ADD2: variants seen among roughly 807,000 people sequenced by gnomAD.
ADD2 encodes the protein beta-adducin.
ADD2 carries 23 observed loss-of-function variants against 83.0 expected under a neutral mutation model. The ratio of observed to expected loss-of-function variants is 0.28; its 90% CI spans 0.20 to 0.39. The LOEUF is 0.39. Among genes scored for constraint, ADD2 ranks in the 10% least tolerant of loss-of-function variants. The pLI, the probability that ADD2 is intolerant of heterozygous loss-of-function variation, is 1.00. For missense variants in ADD2, 758 were observed against 944.9 expected, an observed-to-expected ratio of 0.80 and a Z score of 2.59; for synonymous variants, 375 against 375.4, an observed-to-expected ratio of 1.00 and a Z score of 0.01.
Position 70,676,516 on chromosome 2 carries a change from C to G in ADD2, c.1593+280G>C. ...TAGTAAGGGAGGACAGAGTGGAGTT[C>G]CATGGCAGGAGGTACGGAAGCCGGC... On this transcript the variant is annotated intron_variant, in intron 13 of 15. Transcript: ENST00000264436. This position sits in a 1 kb window ranked among gnomAD's most constrained non-coding sequence, Gnocchi z 4.8. 7.3e-7 allele frequency: 1 copy of G among 1,378,790 alleles called. No individual in the cohort carries two copies. The highest frequency in any genetic ancestry group is 9.4e-7 in the Non-Finnish European group (1 of 1,062,656). 85.4% of individuals were successfully genotyped at this position (1,378,790 alleles called of 1,614,324 possible).
In ADD2 at chr2:70,692,385, GAGA is replaced by G; in HGVS notation, c.705+15_705+17del. On this transcript the variant is annotated intron_variant, in intron 7 of 15. Coordinates refer to ENST00000264436, the MANE Select transcript of ADD2 (RefSeq NM_001617.4). ...GCCTTACGTCTTTCCTTGGGTGGCTGAGAAGGAGTCCACTCACCGCTGCTGTGG... is the reference window on the plus strand; with the variant it reads ...GCCTTACGTCTTTCCTTGGGTGGCTGAGGAGTCCACTCACCGCTGCTGTGG... The G allele has an allele frequency of 6.6e-7, 1 of 1,521,976 alleles. No individual in the cohort carries two copies. The highest frequency in any genetic ancestry group is 8.8e-7 in the Non-Finnish European group (1 of 1,132,016). 94.3% of individuals were successfully genotyped at this position (1,521,976 alleles called of 1,614,324 possible).
intron 15 of ADD2, among the ~76,000 whole-genome samples, chr2:70,672,026 T>G (rs1345427194): frequency 6.6e-6 from 1 of 152,356 alleles, no homozygotes; most frequent in East Asian, 1.9e-4. Flanking sequence ...TTATGTATAC[T>G]ATTAACCATA....
intron 1 of ADD2, among the ~76,000 whole-genome samples, chr2:70,757,499 G>A (rs1674857502): frequency 6.6e-6 from 1 of 152,142 alleles, no homozygotes; most frequent in Non-Finnish European, 1.5e-5. Flanking sequence ...GGTTAAGCTG[G>A]ATACTGCATA....
At chr2:70,712,439 G>A (rs1367163952) in intron 2 of ADD2, among the ~76,000 whole-genome samples, 2 of 131,166 alleles carry the variant, frequency 1.5e-5, no homozygotes, top group South Asian at 4.9e-4. Context: ...GGGAGACCCT[G>A]TCTCAAAAAA....
rs978924219 is a variant in ADD2 at position 70,670,760 on chromosome 2, G to A, written c.1870+2118C>T. Among the ~76,000 whole-genome samples the A allele has an allele frequency of 1.6e-4, 25 of 152,324 alleles. 1 individual carries two copies. Among genetic ancestry groups the A allele is most frequent in the Admixed American group, 1.6e-3 (24 of 15,298 alleles). ...TTCTGTCTGCCCAGGAGTCCAGCAA[G>A]CCTGTGAGCAGCCTGGCCAAGGCTT... On this transcript the variant is annotated intron_variant, in intron 15 of 15. Transcript: ENST00000264436.
chr2:70,759,320 A>ATACTT (rs1430059278), intron 1 of ADD2, among the ~76,000 whole-genome samples: 7 of 152,170 alleles, frequency 4.6e-5, no homozygotes, highest in Non-Finnish European at 8.8e-5. Flanking sequence ...GTTTATTTAC[A>ATACTT]TACTTTTGTA....
chr2:70,669,827 A>G (rs1553366799), intron 15 of ADD2, among the ~76,000 whole-genome samples: 1 of 152,190 alleles, frequency 6.6e-6, no homozygotes, highest in African/African-American at 2.4e-5. Context: ...GAGAGGCCGC[A>G]TGGGTGGGCC....
At chr2:70,664,951 T>C (rs1464053306) in intron 15 of ADD2, among the ~76,000 whole-genome samples, 1 of 151,850 alleles carries the variant, frequency 6.6e-6, no homozygotes, top group Non-Finnish European at 1.5e-5. Context: ...TGTGTGTGAG[T>C]GCACATGAGC....
intron 8 of ADD2, among the ~76,000 whole-genome samples, chr2:70,689,104 A>AG (rs70956986): frequency 6.6e-6 from 1 of 151,924 alleles, no homozygotes; most frequent in African/African-American, 2.4e-5. Flanking sequence ...TCAAAAAAAA[A>AG]CCAAAAACGG....
rs577921768 is a variant in ADD2, at chr2:70,676,276, A to T, written c.1593+520T>A. 2.0e-6 allele frequency: 2 copies of T among 994,140 alleles called. No homozygotes were observed. Among genetic ancestry groups the T allele is most frequent in the African/African-American group, 3.5e-5 (2 of 57,576 alleles). 61.6% of individuals were successfully genotyped at this position (994,140 alleles called of 1,614,324 possible). On this transcript the variant is annotated intron_variant, in intron 13 of 15. Transcript: ENST00000264436. This position sits in a 1 kb window ranked among gnomAD's most constrained non-coding sequence, Gnocchi z 4.8. ...AACAATTACAATACTTTCTAACTCA[A>T]TGTGGGTTTGTGTGGGTAATATTGT... is the stretch of plus-strand genomic sequence containing the variant.
At chr2:70,670,407 T>C (rs1055404906) in intron 15 of ADD2, among the ~76,000 whole-genome samples, 36 of 152,226 alleles carry the variant, frequency 2.4e-4, no homozygotes, top group African/African-American at 7.7e-4. Flanking sequence ...GATCATGTGA[T>C]CATGTGATGT....
At position 70,695,719 on chromosome 2, in the gene ADD2, A is replaced by C; in HGVS notation, c.555+2T>G. 6.2e-7 allele frequency: 1 copy of C among 1,613,834 alleles called. No individual in the cohort carries two copies. The highest frequency in any genetic ancestry group is 8.5e-7 in the Non-Finnish European group (1 of 1,179,736). On this transcript the variant is annotated splice_donor_variant, in intron 6 of 15. Transcript: ENST00000264436. LOFTEE classifies it high-confidence loss of function. The stretch of plus-strand genomic sequence containing the variant: ...TGGGCAGTGATGCTGGACTGTACTC[A>C]CCAGGCTGGACGCTGTGACTTCACT...
At chr2:70,767,606 G>C (rs1675472223) in intron 1 of ADD2, 4 of 1,270,308 alleles carry the variant, frequency 3.1e-6, no homozygotes, top group Non-Finnish European at 4.0e-6. Flanking sequence ...AGCCCCACCT[G>C]TCAGGCGTTA....
chr2:70,700,179 C>T (rs550061938), intron 4 of ADD2, among the ~76,000 whole-genome samples: 2 of 152,172 alleles, frequency 1.3e-5, no homozygotes, highest in South Asian at 4.2e-4. Context: ...TACCCATTAT[C>T]ATTTTTAAAT....
In ADD2 at chr2:70,712,449, AAATAAATAAAT is replaced by A. The variant is rs1420674533; in HGVS notation, c.-35+606_-35+616del. Among the ~76,000 whole-genome samples, 23 of 127,886 alleles carry A rather than the reference AAATAAATAAAT, an allele frequency of 1.8e-4. No individual in the cohort carries two copies. In the Middle Eastern group the frequency reaches 0.011, roughly 61 times the overall value. 83.9% of individuals were successfully genotyped at this position (127,886 alleles called of 152,430 possible). On this transcript the variant is annotated intron_variant, in intron 2 of 15. Transcript: ENST00000264436. ...AAAGAGGGAGACCCTGTCTCAAAAA[AAATAAATAAAT>A]AAAAAAAAAAAAAAAGAAACTGAAT...
chr2:70,707,335 C>T (rs1303269224), intron 2 of ADD2, among the ~76,000 whole-genome samples: 7 of 152,236 alleles, frequency 4.6e-5, no homozygotes, highest in Admixed American at 6.5e-5. Context: ...CCATGCTGCC[C>T]GGCTGCCAGA....
At chr2:70,767,256 C>T (rs1267396230) in intron 1 of ADD2, 1 of 152,718 alleles carries the variant, frequency 6.5e-6, no homozygotes, top group South Asian at 2.1e-4. Context: ...GGCAAGACCC[C>T]CTCGGGTACA....
chr2:70,672,276 C>A (rs551857966), intron 15 of ADD2, among the ~76,000 whole-genome samples: 19 of 152,336 alleles, frequency 1.2e-4, no homozygotes, highest in Non-Finnish European at 2.5e-4. Context: ...AAGCTGTTTT[C>A]AACCTGGAAC....
intron 2 of ADD2, among the ~76,000 whole-genome samples, chr2:70,710,234 T>C (rs1352376970): frequency 6.6e-6 from 1 of 152,246 alleles, no homozygotes; most frequent in Non-Finnish European, 1.5e-5. Flanking sequence ...AACTCTCAGC[T>C]TCTCTGGGAC....
Sources: allele counts gnomAD v4.1 joint callset (sites outside exome capture counted in the v4.1 genomes callset), GRCh38; gene constraint gnomAD v4.1.1; non-coding constraint Gnocchi (gnomAD v3.1); transcripts MANE v1.5; gene names NCBI Gene and HGNC (gene_info 2026-07-23, HGNC 2026-07-21).